LINGO2: variants seen among roughly 807,000 people sequenced by gnomAD.
The protein encoded by LINGO2 is leucine rich repeat and Ig domain containing 2.
A neutral mutation model predicts 30.6 loss-of-function variants in LINGO2; 14 were observed. The observed-to-expected ratio is 0.46, with a 90% CI of 0.30 to 0.72. LINGO2 has a LOEUF of 0.72. Ranked by LOEUF, LINGO2 falls within the 30% of genes least tolerant of loss-of-function variation. The pLI is 0.07. For missense variants in LINGO2, 729 were observed against 751.7 expected (o/e 0.97, Z 0.35); for synonymous variants, 317 against 288.5 (o/e 1.10, Z -1.00).
chr9:28,794,121 T>G, the LINGO2 span, among the ~76,000 whole-genome samples: 1 of 151,930 alleles, frequency 6.6e-6, no homozygotes, highest in Non-Finnish European at 1.5e-5. Flanking sequence ...CTGGCCAACA[T>G]AGTGAAACCC....
chr9:29,126,559 G>C, the LINGO2 span, among the ~76,000 whole-genome samples: 1 of 151,992 alleles, frequency 6.6e-6, no homozygotes, highest in Non-Finnish European at 1.5e-5. Context: ...ACATAAATGA[G>C]TTCAAGTAGT....
intron 4 of LINGO2, among the ~76,000 whole-genome samples, chr9:28,102,177 AT>A (rs11347345): frequency 0.48 from 71,677 of 148,754 alleles, 17,360 homozygotes; most frequent in African/African-American, 0.56. Context: ...GAAAGGCTGT[AT>A]TTTTTTTTTT....
chr9:28,217,126 CATATA>C (rs1398983296), intron 4 of LINGO2, among the ~76,000 whole-genome samples: 1 of 149,872 alleles, frequency 6.7e-6, no homozygotes. Flanking sequence ...TAAATGTATA[CATATA>C]ATATAAATAA....
chr9:28,023,258 T>C (rs770071561), intron 4 of LINGO2, among the ~76,000 whole-genome samples: 2 of 152,198 alleles, frequency 1.3e-5, no homozygotes, highest in Admixed American at 6.6e-5. Flanking sequence ...TTTCAGGTAA[T>C]AGGAGCTGAG....
At chr9:28,119,162 G>T (rs902725509) in intron 4 of LINGO2, among the ~76,000 whole-genome samples, 2 of 152,280 alleles carry the variant, frequency 1.3e-5, no homozygotes, top group Non-Finnish European at 2.9e-5. Context: ...TCTCGAAAAG[G>T]CATCATAGGT....
intron 4 of LINGO2, among the ~76,000 whole-genome samples, chr9:28,289,226 T>C (rs1048906407): frequency 6.6e-6 from 1 of 152,198 alleles, no homozygotes; most frequent in African/African-American, 2.4e-5. Flanking sequence ...AATTTAAAAC[T>C]AATGTAAACT....
At chr9:27,990,836 G>A (rs1170050429) in intron 5 of LINGO2, among the ~76,000 whole-genome samples, 1 of 152,006 alleles carries the variant, frequency 6.6e-6, no homozygotes, top group Non-Finnish European at 1.5e-5. Context: ...GTCATTAAAG[G>A]TGTCATGAAA....
At chr9:28,625,116 T>C (rs1826601438) in intron 1 of LINGO2, among the ~76,000 whole-genome samples, 2 of 152,114 alleles carry the variant, frequency 1.3e-5, no homozygotes, top group Admixed American at 1.3e-4. Context: ...CAGAGCCCTT[T>C]AGCTTGTGGT....
chr9:28,265,526 G>T (rs1029738126), intron 4 of LINGO2, among the ~76,000 whole-genome samples: 8 of 151,908 alleles, frequency 5.3e-5, no homozygotes, highest in Non-Finnish European at 8.8e-5. Flanking sequence ...TTTAATAAAT[G>T]TACTGTATTT....
chr9:28,827,574 A>ATATT, the LINGO2 span, among the ~76,000 whole-genome samples: 3 of 152,178 alleles, frequency 2.0e-5, no homozygotes, highest in South Asian at 6.2e-4. Flanking sequence ...CAAATGATAC[A>ATATT]TATTAGTACT....
chr9:28,569,136 C>T (rs553833033), intron 1 of LINGO2, among the ~76,000 whole-genome samples: 33 of 151,996 alleles, frequency 2.2e-4, no homozygotes, highest in African/African-American at 7.7e-4. Context: ...TGAAAAATAA[C>T]AAGAGTGTTT....
the LINGO2 span, among the ~76,000 whole-genome samples, chr9:29,034,531 T>C: frequency 6.6e-6 from 1 of 152,130 alleles, no homozygotes; most frequent in East Asian, 1.9e-4. Flanking sequence ...GTTGCTGTTA[T>C]TGTTATTCCT....
chr9:28,934,483 A>G, the LINGO2 span, among the ~76,000 whole-genome samples: 1 of 152,164 alleles, frequency 6.6e-6, no homozygotes, highest in Non-Finnish European at 1.5e-5. Flanking sequence ...TGTCTTTTCC[A>G]TTCTGTCACA....
At chr9:27,957,104 A>G (rs768873416) in intron 5 of LINGO2, among the ~76,000 whole-genome samples, 4 of 152,108 alleles carry the variant, frequency 2.6e-5, no homozygotes, top group Non-Finnish European at 5.9e-5. Flanking sequence ...AAAAATATAA[A>G]TAAGTAAACA....
intron 2 of LINGO2, among the ~76,000 whole-genome samples, chr9:28,386,809 G>C (rs1335241709): frequency 6.6e-6 from 1 of 152,110 alleles, no homozygotes; most frequent in Non-Finnish European, 1.5e-5. Flanking sequence ...AAAATAATTA[G>C]ATTTTAACAA....
the LINGO2 span, among the ~76,000 whole-genome samples, chr9:29,209,705 G>C: frequency 6.6e-6 from 1 of 151,968 alleles, no homozygotes; most frequent in Admixed American, 6.6e-5. Flanking sequence ...TGCTTGAATA[G>C]TTTTTAAAGT....
At chr9:28,739,289 T>G in the LINGO2 span, among the ~76,000 whole-genome samples, 9 of 151,890 alleles carry the variant, frequency 5.9e-5, no homozygotes, top group Admixed American at 1.3e-4. Flanking sequence ...TTGAGCTTAT[T>G]TAATGAGAAA....
chr9:27,997,285 T>C (rs541454734), intron 5 of LINGO2, among the ~76,000 whole-genome samples: 24 of 152,334 alleles, frequency 1.6e-4, no homozygotes, highest in Non-Finnish European at 2.4e-4. Flanking sequence ...TGCTCATTAA[T>C]TGAGGGTCAA....
the LINGO2 span, among the ~76,000 whole-genome samples, chr9:28,992,964 C>G: frequency 6.6e-5 from 10 of 151,128 alleles, no homozygotes; most frequent in Non-Finnish European, 1.2e-4. Flanking sequence ...ACTAGAAAAG[C>G]AAGAGCAAAC....
Sources: allele counts gnomAD v4.1 joint callset (sites outside exome capture counted in the v4.1 genomes callset), GRCh38; gene constraint gnomAD v4.1.1; transcripts MANE v1.5; gene names NCBI Gene and HGNC (gene_info 2026-07-23, HGNC 2026-07-21).